GALNT17: variants seen among roughly 807,000 people sequenced by gnomAD.
GALNT17 encodes polypeptide N-acetylgalactosaminyltransferase 17.
Under a neutral mutation model 63.7 loss-of-function variants are expected in GALNT17, and 29 were observed. That is an observed-to-expected ratio of 0.46 (90% CI 0.34 to 0.62). The LOEUF (loss-of-function observed/expected upper bound fraction) is 0.62, where lower values mean the gene tolerates loss of function less well. Among genes scored for constraint, GALNT17 ranks in the 20% least tolerant of loss-of-function variants. The pLI is 0.01. For synonymous variants in GALNT17, 305 were observed against 318.3 expected (o/e 0.96, Z 0.45); for missense variants, 603 against 799.6 (o/e 0.75, Z 2.97).
At chr7:71,237,676 C>T (rs1005809880) in intron 1 of GALNT17, among the ~76,000 whole-genome samples, 1 of 152,094 alleles carries the variant, frequency 6.6e-6, no homozygotes, top group South Asian at 2.1e-4. Flanking sequence ...CAGAGTGATA[C>T]CCTTTCTCAA....
intron 6 of GALNT17, among the ~76,000 whole-genome samples, chr7:71,577,661 T>C (rs536183224): frequency 6.6e-6 from 1 of 152,282 alleles, no homozygotes; most frequent in East Asian, 1.9e-4. Context: ...AGATGAGTCA[T>C]GATGAGTGAT....
chr7:71,271,885 G>A (rs529866268), intron 1 of GALNT17, among the ~76,000 whole-genome samples: 28 of 152,190 alleles, frequency 1.8e-4, no homozygotes, highest in African/African-American at 5.5e-4. Context: ...TCAGCCTCCC[G>A]AGTAACTAGG....
At chr7:71,211,147 C>G (rs1405243548) in intron 1 of GALNT17, among the ~76,000 whole-genome samples, 3 of 152,154 alleles carry the variant, frequency 2.0e-5, no homozygotes, top group Admixed American at 6.5e-5. Flanking sequence ...TTGGCTGTGT[C>G]CCCATCCAAA....
intron 5 of GALNT17, among the ~76,000 whole-genome samples, chr7:71,462,304 GA>G (rs1427302156): frequency 6.6e-6 from 1 of 152,154 alleles, no homozygotes; most frequent in African/African-American, 2.4e-5. Flanking sequence ...AAATACTAAG[GA>G]AGACTTTATT....
chr7:71,576,930 C>A (rs1255092462), intron 6 of GALNT17, among the ~76,000 whole-genome samples: 4 of 152,170 alleles, frequency 2.6e-5, no homozygotes, highest in African/African-American at 9.7e-5. Context: ...CATCACAGTG[C>A]TATTCGCAAT....
intron 6 of GALNT17, among the ~76,000 whole-genome samples, chr7:71,632,978 C>T (rs945683054): frequency 6.6e-6 from 1 of 151,768 alleles, no homozygotes; most frequent in Non-Finnish European, 1.5e-5. Context: ...GTGGCACACG[C>T]CTGTAATCCC....
At chr7:71,207,998 G>A (rs1399681877) in intron 1 of GALNT17, among the ~76,000 whole-genome samples, 2 of 150,964 alleles carry the variant, frequency 1.3e-5, no homozygotes, top group South Asian at 2.1e-4. Flanking sequence ...GCAGTGGCAC[G>A]ATCATGGCTC....
At chr7:71,403,835 G>A (rs1412688933) in intron 3 of GALNT17, among the ~76,000 whole-genome samples, 1 of 152,158 alleles carries the variant, frequency 6.6e-6, no homozygotes, top group African/African-American at 2.4e-5. Context: ...CTTGTGTTCT[G>A]TTTTGCTCTC....
intron 4 of GALNT17, among the ~76,000 whole-genome samples, chr7:71,419,691 G>T (rs1055518605): frequency 2.6e-5 from 4 of 152,128 alleles, no homozygotes; most frequent in African/African-American, 9.7e-5. Flanking sequence ...AGGAGAGATG[G>T]TACTTGGTCT....
intron 5 of GALNT17, among the ~76,000 whole-genome samples, chr7:71,422,449 C>T (rs1477068715): frequency 6.6e-6 from 1 of 152,236 alleles, no homozygotes; most frequent in Non-Finnish European, 1.5e-5. Context: ...TCACAAGTTC[C>T]TAATCTCTGG....
intron 5 of GALNT17, among the ~76,000 whole-genome samples, chr7:71,476,281 G>C (rs1787721141): frequency 6.6e-6 from 1 of 152,224 alleles, no homozygotes; most frequent in Admixed American, 6.5e-5. Flanking sequence ...GGAAGACCAA[G>C]GTGTCAGTGA....
intron 1 of GALNT17, among the ~76,000 whole-genome samples, chr7:71,271,586 A>G (rs998886477): frequency 5.9e-5 from 9 of 152,236 alleles, no homozygotes; most frequent in Admixed American, 3.3e-4. Context: ...TTATTAAAGG[A>G]TAATTTACAG....
chr7:71,406,139 G>C (rs1457777011), intron 3 of GALNT17, among the ~76,000 whole-genome samples: 1 of 152,172 alleles, frequency 6.6e-6, no homozygotes, highest in Non-Finnish European at 1.5e-5. Flanking sequence ...CTGATTAGCT[G>C]ACATTTTTAG....
At chr7:71,284,680 A>G (rs1746478450) in intron 1 of GALNT17, 1 of 152,090 alleles carries the variant, frequency 6.6e-6, no homozygotes, top group Non-Finnish European at 1.5e-5. Flanking sequence ...CCCAGTCTTG[A>G]CTATGTCTTT....
intron 9 of GALNT17, among the ~76,000 whole-genome samples, chr7:71,701,825 ATACACATATATATATG>A (rs1791643149): frequency 3.3e-4 from 3 of 9,122 alleles, no homozygotes; most frequent in African/African-American, 6.0e-4. Context: ...ACACATATAT[ATACACATATATATATG>A]TGTATATATA....
chr7:71,470,052 TA>T (rs1787602405), intron 5 of GALNT17, among the ~76,000 whole-genome samples: 1 of 151,950 alleles, frequency 6.6e-6, no homozygotes, highest in Non-Finnish European at 1.5e-5. Context: ...CTACTAAAAA[TA>T]AAAAACGTAG....
Position 71,712,170 on chromosome 7 carries a change from G to A in GALNT17, c.*24G>A, listed in dbSNP as rs751177240. The A allele has an allele frequency of 6.2e-7, 1 of 1,605,800 alleles. No homozygotes were observed. The highest frequency in any genetic ancestry group is 8.5e-7 in the Non-Finnish European group (1 of 1,175,540). On this transcript the variant is annotated 3_prime_UTR_variant, in exon 11 of 11. Transcript: ENST00000333538. Reference sequence around the variant, plus strand: ...AGAGGGAGGGAGCTGGGGCACTGGAGCCTGGCCCCCAGGACATGGCTGCTC... The same window carrying A: ...AGAGGGAGGGAGCTGGGGCACTGGAACCTGGCCCCCAGGACATGGCTGCTC...
intron 1 of GALNT17, among the ~76,000 whole-genome samples, chr7:71,190,988 G>A (rs1008094772): frequency 2.6e-5 from 4 of 152,098 alleles, no homozygotes; most frequent in African/African-American, 9.7e-5. Flanking sequence ...CAAGATAGGG[G>A]GCCCGGTTCA....
chr7:71,711,872 TTC>T, intron 10 of GALNT17, 144 bp from the exon 11 acceptor site: 3 of 858,228 alleles, frequency 3.5e-6, no homozygotes, highest in Non-Finnish European at 5.3e-6. Flanking sequence ...CTTTGCCTCT[TTC>T]TCTGTCTCTC....
Sources: allele counts gnomAD v4.1 joint callset (sites outside exome capture counted in the v4.1 genomes callset), GRCh38; gene constraint gnomAD v4.1.1; transcripts MANE v1.5; gene names NCBI Gene and HGNC (gene_info 2026-07-23, HGNC 2026-07-21).